ADGRG5: variants seen among roughly 807,000 people sequenced by gnomAD.
ADGRG5 encodes adhesion G protein-coupled receptor G5.
In ADGRG5, 37 loss-of-function variants were observed where a neutral mutation model predicts 53.2. The ratio of observed to expected loss-of-function variants is 0.70; its 90% CI spans 0.53 to 0.91. The LOEUF is 0.91. Ranked by LOEUF, ADGRG5 falls within the 40% of genes least tolerant of loss-of-function variation. ADGRG5 has a pLI of 0.00. For missense variants in ADGRG5, 614 were observed against 675.8 expected, an observed-to-expected ratio of 0.91 and a Z score of 1.01; for synonymous variants, 277 against 290.4, an observed-to-expected ratio of 0.95 and a Z score of 0.47.
intron 1 of ADGRG5, among the ~76,000 whole-genome samples, chr16:57,544,709 C>T (rs1272054950): frequency 6.6e-6 from 1 of 152,156 alleles, no homozygotes; most frequent in African/African-American, 2.4e-5. Context: ...CACTACTGGG[C>T]CTGAGTTATC....
At position 57,566,675 on chromosome 16, in the gene ADGRG5, G is replaced by T. The variant is rs2033141550; in HGVS notation, c.623G>T (p.Gly208Val). Residue 208 changes from glycine to valine, a missense_variant, in exon 7 of 12, where the codon GGC becomes GTC. Physicochemically the swap from Gly to Val is moderately radical, Grantham distance 109 (BLOSUM62 -3). Transcript: ENST00000349457. Reference sequence around the variant, plus strand: ...CCCTGGGGGGGCTGGAGCCCTGAGGGCTGTCGTACAGAGCAGCCCTCCCAC... The same window carrying T: ...CCCTGGGGGGGCTGGAGCCCTGAGGTCTGTCGTACAGAGCAGCCCTCCCAC... ...KQPWGGWSPE[G>V]CRTEQPSHSQ... The T allele has an allele frequency of 6.3e-7, 1 of 1,593,326 alleles. No homozygotes were observed. Among genetic ancestry groups the T allele is most frequent in the African/African-American group, 1.3e-5 (1 of 74,078 alleles).
chr16:57,565,554 T>C, intron 6 of ADGRG5: 1 of 294,818 alleles, frequency 3.4e-6, no homozygotes, highest in African/African-American at 2.2e-5. Context: ...AGAGCCAGAC[T>C]TCCTTTCCCT....
intron 8 of ADGRG5, 110 bp downstream of exon 8, chr16:57,567,701 C>G: frequency 4.8e-6 from 7 of 1,462,400 alleles, no homozygotes; most frequent in Non-Finnish European, 6.5e-6. Flanking sequence ...GGGTGGGGAC[C>G]AGGAGGCGGG....
chr16:57,552,085 A>G lies in ADGRG5; in HGVS notation c.-39+9384A>G, dbSNP rs140510263. On this transcript the variant is annotated intron_variant, in intron 1 of 11. Coordinates refer to ENST00000349457, the MANE Select transcript of ADGRG5 (RefSeq NM_001304376.3). ...GTGGGTTTAAAATATTCAGGAAACTATGCTATAAATAGATTGCTATCATCC... is the reference window on the plus strand; with the variant it reads ...GTGGGTTTAAAATATTCAGGAAACTGTGCTATAAATAGATTGCTATCATCC... 3.2e-3 allele frequency among the ~76,000 whole-genome samples: 483 copies of G among 152,038 alleles called. 2 individuals are homozygous for G. The highest frequency in any genetic ancestry group is 5.4e-3 in the Non-Finnish European group (367 of 67,972).
the ADGRG5 span, among the ~76,000 whole-genome samples, chr16:57,535,063 C>T: frequency 6.6e-6 from 1 of 152,226 alleles, no homozygotes; most frequent in African/African-American, 2.4e-5. Flanking sequence ...AGGTAGGGCC[C>T]TGGGACAAGC....
Position 57,565,171 on chromosome 16 carries a change from G to A in ADGRG5, c.546+21G>A, listed in dbSNP as rs118012880. The A allele has an allele frequency of 4.9e-3, 7,013 of 1,430,220 alleles. 155 individuals carry two copies. In the East Asian group the frequency reaches 0.076, roughly 15 times the overall value. The allele number at this position is 1,430,220 out of a possible 1,614,324, so 88.6% of individuals were successfully genotyped here. ...GCCTGGTACTGCTGGGGGCGCCCCCGTTTCCACTGCACCCCTGCCCCTCTG... is the reference window on the plus strand; with the variant it reads ...GCCTGGTACTGCTGGGGGCGCCCCCATTTCCACTGCACCCCTGCCCCTCTG... On this transcript the variant is annotated intron_variant, in intron 6 of 11. Coordinates refer to ENST00000349457, the MANE Select transcript of ADGRG5 (RefSeq NM_001304376.3).
At chr16:57,571,441 C>T (rs1200807189) in intron 10 of ADGRG5, among the ~76,000 whole-genome samples, 4 of 152,096 alleles carry the variant, frequency 2.6e-5, no homozygotes, top group Non-Finnish European at 2.9e-5. Context: ...GAAGCAGGGC[C>T]GGGGGACTGC....
intron 11 of ADGRG5, 74 bp downstream of exon 11, chr16:57,575,166 G>A: frequency 1.3e-6 from 2 of 1,513,210 alleles, no homozygotes; most frequent in Non-Finnish European, 1.8e-6. Context: ...CACTGCTAAA[G>A]GGGTTCAGGT....
chr16:57,564,126 C>G, intron 5 of ADGRG5, 147 bp downstream of exon 5: 1 of 849,904 alleles, frequency 1.2e-6, no homozygotes, highest in Non-Finnish European at 1.9e-6. Flanking sequence ...GCAATTGTCC[C>G]TCTCTGGGCC....
At chr16:57,550,061 C>T (rs1189175361) in intron 1 of ADGRG5, among the ~76,000 whole-genome samples, 1 of 152,194 alleles carries the variant, frequency 6.6e-6, no homozygotes. Context: ...ACTGCAGCCT[C>T]CTCCTCCTGG....
At chr16:57,535,825 C>G in the ADGRG5 span, among the ~76,000 whole-genome samples, 1 of 152,180 alleles carries the variant, frequency 6.6e-6, no homozygotes, top group Non-Finnish European at 1.5e-5. Flanking sequence ...AACAGGTGGG[C>G]AGACCTCCCG....
chr16:57,529,362 C>T, the ADGRG5 span: 1 of 768,600 alleles, frequency 1.3e-6, no homozygotes, highest in Non-Finnish European at 1.7e-6. This position sits in a 1 kb window ranked among gnomAD's most constrained non-coding sequence, Gnocchi z 4.1. Flanking sequence ...CTGCGACCAC[C>T]GTCAGTCTCG....
intron 1 of ADGRG5, among the ~76,000 whole-genome samples, chr16:57,552,826 A>C (rs534660762): frequency 6.6e-6 from 1 of 152,198 alleles, no homozygotes; most frequent in African/African-American, 2.4e-5. Flanking sequence ...TAAAATTTCT[A>C]GCTTTTGATT....
In ADGRG5 at chr16:57,574,965, C is replaced by T. The variant is rs772195685; in HGVS notation, c.1359C>T (p.Cys453=). Residue 453 remains cysteine (C), a synonymous_variant, in exon 11 of 12, where the codon TGC becomes TGT. Transcript: ENST00000349457. The surrounding 1 kb of genome is among the most constrained non-coding windows in gnomAD (Gnocchi z 4.4). The stretch of plus-strand genomic sequence containing the variant: ...CGGATGCACCAAGTGTCAGGGCCTG[C>T]CATGACACTGTCACTGTGCTGGGCC... The part of the protein sequence containing the change: ...ERADAPSVRA[C]HDTVTVLGLT... 4.3e-6 allele frequency: 7 copies of T among 1,613,670 alleles called. No homozygotes were observed. The African/African-American group carries it at 9.3e-5, about 22-fold the overall frequency.
rs118127254 is a variant in ADGRG5 at position 57,575,709 on chromosome 16, G to T, written c.*171G>T. 2.4e-5 allele frequency: 14 copies of T among 592,250 alleles called. No homozygotes were observed. In the South Asian group the frequency reaches 2.8e-4, roughly 12 times the overall value. 36.7% of individuals were successfully genotyped at this position (592,250 alleles called of 1,614,324 possible). A position where few individuals can be genotyped will look rare whatever the true frequency, so the allele number is the denominator to read the frequency against. On this transcript the variant is annotated 3_prime_UTR_variant, in exon 12 of 12. Transcript: ENST00000349457. ...CTCCAGGCACTGAGGGGAAGGCATT[G>T]CTCTACCTCTCCCTGACATTTTGCT...
At chr16:57,556,815 G>T (rs2032892154) in intron 1 of ADGRG5, among the ~76,000 whole-genome samples, 1 of 151,374 alleles carries the variant, frequency 6.6e-6, no homozygotes, top group Non-Finnish European at 1.5e-5. Flanking sequence ...TCTGCCCTAA[G>T]AATTTTCTTC....
Position 57,575,595 on chromosome 16 carries a change from A to G in ADGRG5, c.*57A>G, listed in dbSNP as rs1319000524. On this transcript the variant is annotated 3_prime_UTR_variant, in exon 12 of 12. Transcript: ENST00000349457. Reference sequence around the variant, plus strand: ...CTCTGGCCGCCAGTAGCCTGAGGCTACGGCTCCTGCTAGAGAGGGTGGCAG... The same window carrying G: ...CTCTGGCCGCCAGTAGCCTGAGGCTGCGGCTCCTGCTAGAGAGGGTGGCAG... 4 of 1,396,938 alleles carry G rather than the reference A, an allele frequency of 2.9e-6. No individual in the cohort carries two copies. Among genetic ancestry groups the G allele is most frequent in the Non-Finnish European group, 4.1e-6 (4 of 986,312 alleles). 86.5% of individuals were successfully genotyped at this position (1,396,938 alleles called of 1,614,324 possible). A position where few individuals can be genotyped will look rare whatever the true frequency, so the allele number is the denominator to read the frequency against.
intron 1 of ADGRG5, among the ~76,000 whole-genome samples, chr16:57,556,267 T>C (rs576474256): frequency 6.6e-6 from 1 of 152,308 alleles, no homozygotes; most frequent in Admixed American, 6.5e-5. Context: ...AGTCAGACAA[T>C]TTTTGCCTTT....
At chr16:57,542,946 GTCTCGAA>G (rs1244688350) in intron 1 of ADGRG5, 4 of 152,318 alleles carry the variant, frequency 2.6e-5, no homozygotes, top group African/African-American at 9.6e-5. Flanking sequence ...TTAGGCATGG[GTCTCGAA>G]TCTTAGCTTC....
Sources: allele counts gnomAD v4.1 joint callset (sites outside exome capture counted in the v4.1 genomes callset), GRCh38; gene constraint gnomAD v4.1.1; non-coding constraint Gnocchi (gnomAD v3.1); transcripts MANE v1.5; gene names NCBI Gene and HGNC (gene_info 2026-07-23, HGNC 2026-07-21).